Variants in EFCAB5 observed in about 807,000 individuals in gnomAD.
The protein encoded by EFCAB5 is EF-hand calcium-binding domain-containing protein 5.
EFCAB5 carries 131 observed loss-of-function variants against 167.9 expected under a neutral mutation model. That is an observed-to-expected ratio of 0.78 (90% confidence interval 0.68 to 0.90). The LOEUF (loss-of-function observed/expected upper bound fraction) is 0.90. EFCAB5 is among the 40% of genes least tolerant of loss of function. EFCAB5 has a pLI of 0.00. For missense variants in EFCAB5, 1,663 were observed against 1,745.2 expected (o/e 0.95, Z 0.84); for synonymous variants, 574 against 602.8 (o/e 0.95, Z 0.70).
intron 8 of EFCAB5, among the ~76,000 whole-genome samples, chr17:30,041,708 G>T (rs1235041326): frequency 2.6e-5 from 4 of 152,288 alleles, no homozygotes; most frequent in Admixed American, 2.6e-4. Context: ...CTTCATTAAA[G>T]GAAGAGTCAA....
At chr17:30,028,286 T>C (rs917978229) in intron 7 of EFCAB5, among the ~76,000 whole-genome samples, 2 of 152,240 alleles carry the variant, frequency 1.3e-5, no homozygotes, top group Admixed American at 6.5e-5. Context: ...ATTCTGTCTT[T>C]CCTTTAATAT....
intron 18 of EFCAB5, among the ~76,000 whole-genome samples, chr17:30,085,337 T>C (rs796453291): frequency 9.8e-5 from 15 of 152,358 alleles, no homozygotes; most frequent in African/African-American, 3.1e-4. Context: ...CACCTCTGTC[T>C]ATTTCTTTGG....
At chr17:30,070,512 G>C (rs930309084) in intron 14 of EFCAB5, among the ~76,000 whole-genome samples, 13 of 152,094 alleles carry the variant, frequency 8.5e-5, no homozygotes, top group Admixed American at 8.5e-4. Flanking sequence ...GAACAGAATA[G>C]AGAACCCAGA....
At position 30,078,492 on chromosome 17, in the gene EFCAB5, G is replaced by A; in HGVS notation, c.3015G>A (p.Lys1005=). The A allele has an allele frequency of 6.3e-7, 1 of 1,596,088 alleles. No homozygotes were observed. Among genetic ancestry groups the A allele is most frequent in the South Asian group, 1.1e-5 (1 of 89,150 alleles). The change falls in exon 15 of 23, where the codon AAG becomes AAA. Residue 1005 remains lysine, a synonymous_variant. Transcript: ENST00000394835. ...AGCCGGTGTATAGTGAGACCTTTAA[G>A]GCCCTCATGCAGGTACGTTTCCTAA... is the stretch of plus-strand genomic sequence containing the variant. The part of the protein sequence containing the change: ...SLEPVYSETF[K]ALMQDAEAHG...
At chr17:29,968,605 A>ATTCT (rs1248763265) in intron 3 of EFCAB5, among the ~76,000 whole-genome samples, 186 bp from the exon 4 acceptor site, 6 of 152,198 alleles carry the variant, frequency 3.9e-5, no homozygotes, top group African/African-American at 1.4e-4. Flanking sequence ...ATGGCTTCTG[A>ATTCT]TTAAGTCAAC....
chr17:30,042,459 A>G (rs906002747), intron 8 of EFCAB5, among the ~76,000 whole-genome samples: 3 of 152,242 alleles, frequency 2.0e-5, no homozygotes, highest in Non-Finnish European at 1.5e-5. Context: ...AAGTGGGAAC[A>G]TCATTACAGA....
chr17:30,051,363 CTG>C, intron 9 of EFCAB5, 146 bp downstream of exon 9: 1 of 623,310 alleles, frequency 1.6e-6, no homozygotes, highest in Non-Finnish European at 2.7e-6. Flanking sequence ...ATCATGATAA[CTG>C]TATCTAGTTG....
chr17:29,991,902 A>G (rs1004095439), intron 4 of EFCAB5, among the ~76,000 whole-genome samples: 1 of 152,206 alleles, frequency 6.6e-6, no homozygotes, highest in Non-Finnish European at 1.5e-5. Flanking sequence ...TTAAGTTGTA[A>G]ATCAATATCT....
At chr17:29,953,113 A>G (rs1452146101) in intron 3 of EFCAB5, among the ~76,000 whole-genome samples, 1 of 152,196 alleles carries the variant, frequency 6.6e-6, no homozygotes, top group Non-Finnish European at 1.5e-5. Context: ...CTGTTTGCAC[A>G]CTACATGATC....
At chr17:29,992,931 T>C (rs2068454021) in intron 4 of EFCAB5, among the ~76,000 whole-genome samples, 1 of 152,158 alleles carries the variant, frequency 6.6e-6, no homozygotes, top group African/African-American at 2.4e-5. Context: ...TAGTATTTAG[T>C]TGGGTAAAAT....
intron 7 of EFCAB5, among the ~76,000 whole-genome samples, chr17:30,033,325 G>T (rs948759587): frequency 1.3e-5 from 2 of 152,068 alleles, no homozygotes; most frequent in African/African-American, 4.8e-5. Context: ...TGATCCGCCC[G>T]CCTCGGCCTC....
intron 14 of EFCAB5, among the ~76,000 whole-genome samples, chr17:30,076,227 A>C (rs758495633): frequency 6.6e-6 from 1 of 152,244 alleles, no homozygotes; most frequent in African/African-American, 2.4e-5. Flanking sequence ...ATTCAAGTCC[A>C]ATGGAAATAA....
intron 16 of EFCAB5, 30 bp downstream of exon 16, chr17:30,080,271 C>A (rs948829605): frequency 1.3e-6 from 2 of 1,498,882 alleles, no homozygotes; most frequent in African/African-American, 1.4e-5. Flanking sequence ...ATTGGTTTCA[C>A]CCTCCTAAAA....
chr17:30,046,677 G>A (rs1471644890), intron 8 of EFCAB5, among the ~76,000 whole-genome samples: 1 of 152,174 alleles, frequency 6.6e-6, no homozygotes, highest in African/African-American at 2.4e-5. Flanking sequence ...TCTGAGACTT[G>A]AGCCACAAAT....
At chr17:30,006,846 T>G (rs1188052785) in intron 7 of EFCAB5, among the ~76,000 whole-genome samples, 1 of 152,164 alleles carries the variant, frequency 6.6e-6, no homozygotes, top group East Asian at 1.9e-4. Flanking sequence ...TTTGTGGACA[T>G]TAATCTCCCT....
intron 3 of EFCAB5, chr17:29,950,428 G>T (rs1281047799): frequency 2.6e-5 from 4 of 151,868 alleles, no homozygotes; most frequent in Admixed American, 1.3e-4. Context: ...CTGGAGTATA[G>T]TGGTGCAATC....
chr17:29,936,465 A>G (rs1358216188), intron 1 of EFCAB5, among the ~76,000 whole-genome samples: 1 of 152,220 alleles, frequency 6.6e-6, no homozygotes, highest in Admixed American at 6.5e-5. Flanking sequence ...TAATAATAAA[A>G]AAAGAAGCAA....
intron 1 of EFCAB5, among the ~76,000 whole-genome samples, chr17:29,936,589 G>A (rs1287131307): frequency 6.6e-6 from 1 of 152,218 alleles, no homozygotes; most frequent in African/African-American, 2.4e-5. Flanking sequence ...CAAAAGAAAT[G>A]TGATTTTCAG....
intron 7 of EFCAB5, among the ~76,000 whole-genome samples, chr17:30,008,453 A>G (rs2068821286): frequency 6.6e-6 from 1 of 152,090 alleles, no homozygotes; most frequent in South Asian, 2.1e-4. Context: ...TTAGCTGGGC[A>G]TAGTGGCATG....
Sources: allele counts gnomAD v4.1 joint callset (sites outside exome capture counted in the v4.1 genomes callset), GRCh38; gene constraint gnomAD v4.1.1; transcripts MANE v1.5; gene names NCBI Gene and HGNC (gene_info 2026-07-23, HGNC 2026-07-21).